The following KIAA0825 variants were observed in gnomAD, a reference collection of about 807,000 sequenced individuals.
The protein encoded by KIAA0825 is KIAA0825.
Under a neutral mutation model 147.6 loss-of-function variants are expected in KIAA0825, and 119 were observed. The observed-to-expected ratio is 0.81, with a 90% CI of 0.69 to 0.94. The LOEUF is 0.94. KIAA0825 is among the 40% of genes least tolerant of loss of function. The probability of loss-of-function intolerance (pLI) is 0.00; values close to 1 mark genes in which losing one functional copy is unlikely to be tolerated. For synonymous variants in KIAA0825, 470 were observed against 518.1 expected (o/e 0.91, Z 1.26); for missense variants, 1,381 against 1,472.7 (o/e 0.94, Z 1.02).
At chr5:94,441,053 C>T (rs1757016809) in intron 13 of KIAA0825, among the ~76,000 whole-genome samples, 1 of 151,950 alleles carries the variant, frequency 6.6e-6, no homozygotes. Flanking sequence ...TCATATGCTT[C>T]AGGGTGGAAA....
chr5:94,436,644 C>G (rs1162151423), intron 14 of KIAA0825, among the ~76,000 whole-genome samples: 1 of 152,092 alleles, frequency 6.6e-6, no homozygotes, highest in Admixed American at 6.6e-5. Flanking sequence ...TAGTTTTTTT[C>G]TAGTTCTGTG....
At chr5:94,411,578 G>A (rs990640196) in intron 15 of KIAA0825, among the ~76,000 whole-genome samples, 1 of 152,124 alleles carries the variant, frequency 6.6e-6, no homozygotes, top group Non-Finnish European at 1.5e-5. Context: ...ATTGCCAAAA[G>A]AAATAATGGG....
chr5:94,527,726 T>C (rs1020621983), intron 3 of KIAA0825, among the ~76,000 whole-genome samples: 1 of 152,088 alleles, frequency 6.6e-6, no homozygotes, highest in African/African-American at 2.4e-5. Flanking sequence ...ACATTTCTGT[T>C]CATTTCCGTG....
At chr5:94,223,623 C>T (rs1773860443) in intron 20 of KIAA0825, among the ~76,000 whole-genome samples, 1 of 152,122 alleles carries the variant, frequency 6.6e-6, no homozygotes, top group African/African-American at 2.4e-5. Context: ...TTTAAGTATT[C>T]CTATGATGTA....
intron 2 of KIAA0825, among the ~76,000 whole-genome samples, chr5:94,560,247 T>C (rs2152288357): frequency 6.6e-6 from 1 of 152,330 alleles, no homozygotes; most frequent in Admixed American, 6.5e-5. Flanking sequence ...GGCTCTTGTA[T>C]ATACACAAAA....
At chr5:94,497,313 C>T (rs1366458889) in intron 5 of KIAA0825, among the ~76,000 whole-genome samples, 1 of 152,116 alleles carries the variant, frequency 6.6e-6, no homozygotes, top group South Asian at 2.1e-4. Flanking sequence ...CCAATGAGAG[C>T]CAATGCACAC....
At chr5:94,385,171 A>G (rs1292716241) in intron 19 of KIAA0825, among the ~76,000 whole-genome samples, 1 of 152,224 alleles carries the variant, frequency 6.6e-6, no homozygotes, top group South Asian at 2.1e-4. Context: ...CAACACAGAA[A>G]AGCAGCCAAT....
At chr5:94,317,675 C>T (rs973541042) in intron 20 of KIAA0825, among the ~76,000 whole-genome samples, 1 of 151,856 alleles carries the variant, frequency 6.6e-6, no homozygotes, top group Non-Finnish European at 1.5e-5. Context: ...TGAGTCATAA[C>T]GTCTTAATCT....
At position 94,402,509 on chromosome 5, in the gene KIAA0825, A is replaced by G. The variant is rs180856356; in HGVS notation, c.2887+1060T>C. ...TCAAAGGGAGTTTAATAGGGCTTGG[A>G]CAGAATTAAAGCATTACTATGAAAG... On this transcript the variant is annotated intron_variant, in intron 16 of 20. Transcript: ENST00000682413. Among the ~76,000 whole-genome samples the G allele has an allele frequency of 1.8e-4, 27 of 152,134 alleles. No homozygotes were observed. In the East Asian group the frequency reaches 5.1e-3, roughly 28 times the overall value.
chr5:94,158,945 AG>A (rs1450608157), intron 20 of KIAA0825, among the ~76,000 whole-genome samples: 1 of 152,238 alleles, frequency 6.6e-6, no homozygotes, highest in African/African-American at 2.4e-5. Context: ...ATATTGGTTA[AG>A]GTTGCAAGTA....
chr5:94,403,504 G>T, intron 16 of KIAA0825, 65 bp downstream of exon 16: 1 of 1,215,790 alleles, frequency 8.2e-7, no homozygotes, highest in Non-Finnish European at 1.2e-6. Flanking sequence ...AATTTTACTT[G>T]ATTACATACC....
At chr5:94,551,275 C>T (rs533802330) in intron 2 of KIAA0825, among the ~76,000 whole-genome samples, 3 of 151,818 alleles carry the variant, frequency 2.0e-5, no homozygotes, top group East Asian at 3.9e-4. Context: ...AAGAGAAGGA[C>T]AAAGATATAC....
intron 1 of KIAA0825, among the ~76,000 whole-genome samples, chr5:94,604,708 G>A (rs1035009564): frequency 2.6e-5 from 4 of 152,116 alleles, no homozygotes; most frequent in African/African-American, 4.8e-5. Flanking sequence ...TAAGAACAAA[G>A]ATACAATGTA....
chr5:94,406,788 G>A (rs1752125540), intron 15 of KIAA0825, among the ~76,000 whole-genome samples: 1 of 152,152 alleles, frequency 6.6e-6, no homozygotes, highest in Non-Finnish European at 1.5e-5. Flanking sequence ...TGAAGCCATG[G>A]TAGTTATAAA....
rs563525477 is a variant in KIAA0825 at position 94,273,793 on chromosome 5, T to A, written c.3710+110575A>T. Among the ~76,000 whole-genome samples, 94 of 150,730 alleles carry A rather than the reference T, an allele frequency of 6.2e-4. 1 individual carries two copies. The South Asian group carries it at 0.019, about 30-fold the overall frequency. On this transcript the variant is annotated intron_variant, in intron 20 of 20. Transcript: ENST00000682413. ...TAATGGTTAGGAGGTTAAAAAAAAA[T>A]GCTTACCAAATGTTAATTATTATTT... is the stretch of plus-strand genomic sequence containing the variant.
At chr5:94,280,615 ATG>A (rs1777412808) in intron 20 of KIAA0825, among the ~76,000 whole-genome samples, 1 of 152,058 alleles carries the variant, frequency 6.6e-6, no homozygotes, top group East Asian at 1.9e-4. Context: ...TAATCTCCTT[ATG>A]TGTAACCTAT....
chr5:94,464,979 A>T lies in KIAA0825; in HGVS notation c.1953T>A (p.Pro651=), dbSNP rs1310225571. The T allele has an allele frequency of 5.8e-6, 9 of 1,551,716 alleles. No homozygotes were observed. The highest frequency in any genetic ancestry group is 7.8e-6 in the Non-Finnish European group (9 of 1,146,980). ...CTAGAATCTCCTGGGCTAACTTAGG[A>T]GGCAGAATGGTCCAGAGATCGTAAT... is the stretch of plus-strand genomic sequence containing the variant. The part of the protein sequence containing the change: ...SLHYDLWTIL[P]PKLAQEILVE... The change falls in exon 11 of 21, where the codon CCT becomes CCA. Residue 651 remains proline (P), a synonymous_variant. Transcript: ENST00000682413.
intron 1 of KIAA0825, among the ~76,000 whole-genome samples, chr5:94,605,381 T>C (rs192560716): frequency 1.6e-3 from 240 of 152,200 alleles, no homozygotes; most frequent in African/African-American, 5.4e-3. Flanking sequence ...TTTCAAAAAA[T>C]TGAAAAGGAG....
At chr5:94,168,358 A>C (rs2149940689) in intron 20 of KIAA0825, among the ~76,000 whole-genome samples, 1 of 152,304 alleles carries the variant, frequency 6.6e-6, no homozygotes, top group East Asian at 1.9e-4. Context: ...AAGCAACAAA[A>C]CCCTTAATCT....
Sources: allele counts gnomAD v4.1 joint callset (sites outside exome capture counted in the v4.1 genomes callset), GRCh38; gene constraint gnomAD v4.1.1; transcripts MANE v1.5; gene names NCBI Gene and HGNC (gene_info 2026-07-23, HGNC 2026-07-21).